BLTP1: variants seen among roughly 807,000 people sequenced by gnomAD.
The protein encoded by BLTP1 is bridge-like lipid transfer protein family member 1, also known as fragile site-associated protein.
chr4:122,263,720 T>TAAAA, the BLTP1 span: 1 of 602,504 alleles, frequency 1.7e-6, no homozygotes. Context: ...TTGGTCCATT[T>TAAAA]ATATTTTTAA....
At chr4:122,292,783 A>T in the BLTP1 span, 1 of 188,528 alleles carries the variant, frequency 5.3e-6, no homozygotes, top group Non-Finnish European at 9.9e-6. Context: ...GGTCCAAATG[A>T]GACACATCGA....
At chr4:122,158,066 G>T in the BLTP1 span, among the ~76,000 whole-genome samples, 1 of 152,034 alleles carries the variant, frequency 6.6e-6, no homozygotes, top group Non-Finnish European at 1.5e-5. Flanking sequence ...TAGGAAAAAA[G>T]AAATAGTTTT....
chr4:122,321,614 C>A, the BLTP1 span, among the ~76,000 whole-genome samples: 2 of 151,828 alleles, frequency 1.3e-5, no homozygotes, highest in African/African-American at 4.8e-5. Flanking sequence ...AACAAACTTA[C>A]CTGTTAGGTC....
chr4:122,331,298 A>G, the BLTP1 span: 3 of 1,593,880 alleles, frequency 1.9e-6, no homozygotes, highest in Non-Finnish European at 2.6e-6. Flanking sequence ...TTTTACTACA[A>G]TGTAATGATC....
chr4:122,282,393 G>A, the BLTP1 span, among the ~76,000 whole-genome samples: 1 of 152,234 alleles, frequency 6.6e-6, no homozygotes, highest in South Asian at 2.1e-4. Context: ...TGTAATCCCA[G>A]TACTTTGGGA....
chr4:122,201,866 A>T, the BLTP1 span: 1 of 984,782 alleles, frequency 1.0e-6, no homozygotes, highest in Non-Finnish European at 1.2e-6. Context: ...GTTGTTTTAT[A>T]CAAGCGTCTC....
chr4:122,168,721 GA>G, the BLTP1 span, among the ~76,000 whole-genome samples: 3 of 151,490 alleles, frequency 2.0e-5, no homozygotes, highest in African/African-American at 7.3e-5. Flanking sequence ...TACACTGTAG[GA>G]AAAAAAAGGA....
the BLTP1 span, chr4:122,279,674 C>G: frequency 7.4e-7 from 1 of 1,353,876 alleles, no homozygotes; most frequent in African/African-American, 1.5e-5. Context: ...TTGAAGACCT[C>G]TCAAATTTAT....
chr4:122,291,765 A>T, the BLTP1 span: 4 of 974,868 alleles, frequency 4.1e-6, no homozygotes, highest in African/African-American at 1.8e-5. Context: ...GACATAAAAT[A>T]CTATGGAATT....
the BLTP1 span, chr4:122,221,893 T>G: frequency 9.1e-6 from 9 of 984,388 alleles, no homozygotes; most frequent in African/African-American, 1.6e-4. Context: ...CCCTTCAACT[T>G]TTAATCACTG....
chr4:122,359,941 T>C, the BLTP1 span: 3 of 985,226 alleles, frequency 3.0e-6, no homozygotes, highest in Non-Finnish European at 3.6e-6. Flanking sequence ...TCAGCACTGA[T>C]GAGTTGTCCA....
At chr4:122,196,982 A>G in the BLTP1 span, among the ~76,000 whole-genome samples, 1 of 152,074 alleles carries the variant, frequency 6.6e-6, no homozygotes, top group Non-Finnish European at 1.5e-5. Flanking sequence ...ATTAATAGTA[A>G]TAGACCTTCA....
the BLTP1 span, among the ~76,000 whole-genome samples, chr4:122,282,494 T>C: frequency 2.0e-5 from 3 of 152,016 alleles, no homozygotes; most frequent in African/African-American, 4.8e-5. Flanking sequence ...ATACAAAAAT[T>C]AGCTGGGCAT....
chr4:122,353,389 T>C, the BLTP1 span: 2 of 270,814 alleles, frequency 7.4e-6, no homozygotes, highest in Non-Finnish European at 1.1e-5. This position sits in a 1 kb window ranked among gnomAD's most constrained non-coding sequence, Gnocchi z 4.3. Context: ...TGGCTAAACA[T>C]AAGTCATGGT....
the BLTP1 span, among the ~76,000 whole-genome samples, chr4:122,290,188 T>G: frequency 5.7e-4 from 87 of 152,284 alleles, no homozygotes; most frequent in African/African-American, 1.9e-3. Context: ...ATGATCATAT[T>G]GAGGAAGCCC....
At chr4:122,164,474 A>G in the BLTP1 span, 228 of 942,960 alleles carry the variant, frequency 2.4e-4, 1 homozygote, top group Non-Finnish European at 8.6e-5. Flanking sequence ...AGCTATATGC[A>G]TCTTTGGCAG....
chr4:122,350,513 G>C, the BLTP1 span: 116,496 of 367,416 alleles, frequency 0.32, 19,596 homozygotes, highest in East Asian at 0.44. Context: ...GTGGTGGACA[G>C]AATCACTACC....
chr4:122,209,247 A>C, the BLTP1 span: 3 of 1,613,384 alleles, frequency 1.9e-6, no homozygotes, highest in Non-Finnish European at 2.5e-6. Flanking sequence ...TGCCATCCAA[A>C]TAAGATGATT....
At chr4:122,227,127 T>C in the BLTP1 span, 6 of 799,282 alleles carry the variant, frequency 7.5e-6, no homozygotes, top group African/African-American at 5.6e-5. Context: ...CTTGTTGGGA[T>C]ATGGCTATAT....
Sources: gnomAD v4.1 joint callset for allele counts (sites outside exome capture counted in the v4.1 genomes callset) on GRCh38, gnomAD v4.1.1 for gene constraint, Gnocchi (gnomAD v3.1) non-coding constraint, MANE v1.5 for transcripts, NCBI Gene and HGNC (gene_info 2026-07-23, HGNC 2026-07-21) for gene names.